RBFOX1: variants seen among roughly 807,000 people sequenced by gnomAD.
RBFOX1 encodes the protein RNA binding protein fox-1 homolog 1.
A neutral mutation model predicts 57.7 loss-of-function variants in RBFOX1; 8 were observed. The observed-to-expected ratio is 0.14, with a 90% CI of 0.08 to 0.25. The LOEUF (loss-of-function observed/expected upper bound fraction) is 0.25. RBFOX1 is among the 10% of genes least tolerant of loss of function. RBFOX1 has a pLI of 1.00. For missense variants in RBFOX1, 611 were observed against 548.5 expected (o/e 1.11, Z -1.14); for synonymous variants, 326 against 222.4 (o/e 1.47, Z -4.15).
intron 1 of RBFOX1, among the ~76,000 whole-genome samples, chr16:6,162,939 G>A (rs943293215): frequency 1.3e-4 from 20 of 152,054 alleles, no homozygotes; most frequent in African/African-American, 4.8e-4. Context: ...TTGCCATGTT[G>A]GTCAGGCTGG....
chr16:5,572,691 G>C (rs1382644299), intron 2 of RBFOX1, among the ~76,000 whole-genome samples: 3 of 152,146 alleles, frequency 2.0e-5, no homozygotes, highest in African/African-American at 7.2e-5. Flanking sequence ...TTGAAGAGTA[G>C]GGTTGGCCAT....
chr16:7,528,224 C>A (rs1022610896), intron 5 of RBFOX1, among the ~76,000 whole-genome samples: 1 of 152,206 alleles, frequency 6.6e-6, no homozygotes, highest in Non-Finnish European at 1.5e-5. Context: ...AATATTAGAG[C>A]CATCTGACAA....
intron 4 of RBFOX1, among the ~76,000 whole-genome samples, chr16:7,078,814 C>T (rs1008565664): frequency 1.4e-5 from 2 of 139,636 alleles, no homozygotes; most frequent in African/African-American, 5.2e-5. Context: ...TCCCGAGTAG[C>T]TGGGATTAGA....
intron 3 of RBFOX1, among the ~76,000 whole-genome samples, chr16:6,658,035 A>G (rs767062082): frequency 6.6e-6 from 1 of 152,110 alleles, no homozygotes; most frequent in Non-Finnish European, 1.5e-5. Flanking sequence ...ATTGTTGAAT[A>G]TCTTCTTGAT....
rs552578688 is a variant in RBFOX1 at position 6,202,147 on chromosome 16, G to A, written c.-126-114848G>A. The stretch of plus-strand genomic sequence containing the variant: ...GTCAGATCATTAACCAGTTTCTAAC[G>A]GAGCAACTTCCTAGGGAAGGGTATG... On this transcript the variant is annotated intron_variant, in intron 1 of 15. Coordinates refer to ENST00000550418, the MANE Select transcript of RBFOX1 (RefSeq NM_018723.4). 5.9e-5 allele frequency among the ~76,000 whole-genome samples: 9 copies of A among 152,262 alleles called. No homozygotes were observed. The South Asian group carries it at 1.0e-3, about 18-fold the overall frequency.
Position 5,274,226 on chromosome 16 carries a change from C to T in RBFOX1, c.219+34121C>T, listed in dbSNP as rs2063086619. Among the ~76,000 whole-genome samples the T allele has an allele frequency of 2.6e-5, 4 of 152,168 alleles. 1 individual carries two copies. In the South Asian group the frequency reaches 8.3e-4, roughly 32 times the overall value. ...AAGAAGGTTCCAGCATCACTTCCGG[C>T]CTCTCAAGAGTGAGTTAGGTGTTCA... On this transcript the variant is annotated intron_variant, in intron 1 of 2. Transcript: ENST00000585867.
intron 1 of RBFOX1, among the ~76,000 whole-genome samples, chr16:6,190,396 T>G (rs1288659600): frequency 6.6e-6 from 1 of 152,074 alleles, no homozygotes; most frequent in African/African-American, 2.4e-5. Context: ...GCATCCGGGG[T>G]CCTACAGCCT....
intron 1 of RBFOX1, among the ~76,000 whole-genome samples, chr16:5,432,766 GC>G (rs1363248765): frequency 2.0e-5 from 3 of 151,808 alleles, no homozygotes; most frequent in Non-Finnish European, 4.4e-5. Context: ...GATTAATGAG[GC>G]CCGTATTTTT....
intron 3 of RBFOX1, among the ~76,000 whole-genome samples, chr16:5,861,146 G>C (rs1049005626): frequency 6.6e-6 from 1 of 152,176 alleles, no homozygotes; most frequent in Admixed American, 6.5e-5. Flanking sequence ...AGCAGAAGTG[G>C]ATTTCCTATC....
intron 3 of RBFOX1, among the ~76,000 whole-genome samples, chr16:6,758,728 A>G (rs1168772626): frequency 6.6e-6 from 1 of 152,222 alleles, no homozygotes; most frequent in East Asian, 1.9e-4. Flanking sequence ...TTAAATGCTT[A>G]TATTGATTGC....
At chr16:5,968,803 CT>C in intron 4 of RBFOX1, among the ~76,000 whole-genome samples, 1 of 151,946 alleles carries the variant, frequency 6.6e-6, no homozygotes, top group Non-Finnish European at 1.5e-5. Flanking sequence ...GTTCTTTTCT[CT>C]TGTTTTCTCT....
intron 11 of RBFOX1, among the ~76,000 whole-genome samples, chr16:7,641,880 C>G (rs1308590453): frequency 6.6e-6 from 1 of 152,166 alleles, no homozygotes; most frequent in African/African-American, 2.4e-5. Context: ...GTCCTCCAGG[C>G]TGCTTGAGGC....
chr16:6,232,838 G>T (rs2097474965), intron 1 of RBFOX1, among the ~76,000 whole-genome samples: 1 of 152,122 alleles, frequency 6.6e-6, no homozygotes, highest in Admixed American at 6.6e-5. Flanking sequence ...GTCCCTATGT[G>T]TTTGCAGGTC....
chr16:5,321,547 C>T (rs542249014), intron 1 of RBFOX1, among the ~76,000 whole-genome samples: 2 of 152,124 alleles, frequency 1.3e-5, no homozygotes, highest in Admixed American at 6.5e-5. Flanking sequence ...GTCTCGATCT[C>T]CTGACCTCGT....
chr16:6,538,016 C>CT (rs1243161128), intron 2 of RBFOX1, among the ~76,000 whole-genome samples: 1 of 151,302 alleles, frequency 6.6e-6, no homozygotes, highest in Non-Finnish European at 1.5e-5. Context: ...TACTTTCAAA[C>CT]TTTTTTATTC....
chr16:6,970,943 G>C (rs903582843), intron 3 of RBFOX1, among the ~76,000 whole-genome samples: 1 of 152,126 alleles, frequency 6.6e-6, no homozygotes, highest in African/African-American at 2.4e-5. Context: ...CATGCACACA[G>C]GTGCACGTGC....
intron 3 of RBFOX1, among the ~76,000 whole-genome samples, chr16:6,936,529 C>T (rs1224544126): frequency 2.0e-5 from 3 of 152,094 alleles, no homozygotes; most frequent in Non-Finnish European, 2.9e-5. Flanking sequence ...GTAAAATGCT[C>T]TGGGGAGGAT....
At chr16:7,155,892 T>C (rs1601297558) in intron 4 of RBFOX1, among the ~76,000 whole-genome samples, 3 of 151,876 alleles carry the variant, frequency 2.0e-5, no homozygotes, top group Admixed American at 6.6e-5. Flanking sequence ...ATAAATTTTA[T>C]GTCTCTATAA....
intron 9 of RBFOX1, among the ~76,000 whole-genome samples, chr16:7,606,716 G>A (rs2095299732): frequency 6.6e-6 from 1 of 152,170 alleles, no homozygotes; most frequent in African/African-American, 2.4e-5. Context: ...CATTGATTAA[G>A]AATTTTTTAC....
Sources: allele counts gnomAD v4.1 joint callset (sites outside exome capture counted in the v4.1 genomes callset), GRCh38; gene constraint gnomAD v4.1.1; transcripts MANE v1.5; gene names NCBI Gene and HGNC (gene_info 2026-07-23, HGNC 2026-07-21).